TRPC4: variants seen among roughly 807,000 people sequenced by gnomAD.
TRPC4 encodes short transient receptor potential channel 4.
TRPC4 carries 49 observed loss-of-function variants against 99.4 expected under a neutral mutation model. The observed-to-expected ratio is 0.49, with a 90% CI of 0.39 to 0.63. TRPC4 has a LOEUF of 0.63. Ranked by LOEUF, TRPC4 falls within the 20% of genes least tolerant of loss-of-function variation. The probability of loss-of-function intolerance (pLI) is 0.00; values close to 1 mark genes in which losing one functional copy is unlikely to be tolerated. For missense variants in TRPC4, 898 were observed against 1,152.9 expected (o/e 0.78, Z 3.20); for synonymous variants, 454 against 425.9 (o/e 1.07, Z -0.81).
rs769881153 is a variant in TRPC4, at chr13:37,783,006, C to T, written c.328G>A (p.Gly110Arg). Reference protein sequence around the residue: ...LLHAIRKEVVGAVELLLNHKK... With the variant: ...LLHAIRKEVVRAVELLLNHKK... ...TGGTTCAATAACAGCTCAACAGCTC[C>T]GACGACTTCTTTTCTGATAGCATGT... is the stretch of plus-strand genomic sequence containing the variant. Residue 110 changes from glycine (G) to arginine (R), a missense_variant, in exon 2 of 11, where the codon GGA (glycine) becomes AGA (arginine). Around this residue, in one of 3 missense-constraint regions of TRPC4, gnomAD observed 278 missense variants for 346.6 expected, o/e 0.80. Coordinates refer to ENST00000379705, the MANE Select transcript of TRPC4 (RefSeq NM_016179.4). 6.9e-6 allele frequency: 11 copies of T among 1,605,370 alleles called. No individual in the cohort carries two copies. Among genetic ancestry groups the T allele is most frequent in the East Asian group, 2.2e-5 (1 of 44,764 alleles).
intron 3 of TRPC4, among the ~76,000 whole-genome samples, chr13:37,744,586 A>C (rs1329125289): frequency 6.6e-6 from 1 of 152,170 alleles, no homozygotes; most frequent in African/African-American, 2.4e-5. Context: ...TTGAGAAAGC[A>C]AGTTCAGGTA....
intron 1 of TRPC4, among the ~76,000 whole-genome samples, chr13:37,850,900 A>G (rs1959036554): frequency 6.6e-6 from 1 of 152,226 alleles, no homozygotes; most frequent in African/African-American, 2.4e-5. Context: ...CGTAATTCCC[A>G]CGTCCTGGTG....
chr13:37,676,377 T>A (rs1455453593), intron 4 of TRPC4, among the ~76,000 whole-genome samples: 10 of 11,204 alleles, frequency 8.9e-4, no homozygotes, highest in African/African-American at 2.9e-3. Flanking sequence ...TGGAGTAACA[T>A]CTTTTTTTTT....
At chr13:37,728,991 A>G (rs918621267) in intron 3 of TRPC4, among the ~76,000 whole-genome samples, 1 of 152,148 alleles carries the variant, frequency 6.6e-6, no homozygotes, top group African/African-American at 2.4e-5. Context: ...ATAAGAATGA[A>G]GTTGGACCCT....
intron 1 of TRPC4, among the ~76,000 whole-genome samples, chr13:37,788,258 C>A (rs1400884840): frequency 6.6e-6 from 1 of 152,042 alleles, no homozygotes; most frequent in African/African-American, 2.4e-5. Context: ...TTTCTGCAAA[C>A]CTTCTTCCCT....
rs150133774 is a variant in TRPC4, at chr13:37,806,997, C to A, written c.-27-23637G>T. Among the ~76,000 whole-genome samples the A allele has an allele frequency of 3.8e-3, 573 of 152,142 alleles. 4 individuals are homozygous for A. The highest frequency in any genetic ancestry group is 0.013 in the African/African-American group (552 of 41,520). On this transcript the variant is annotated intron_variant, in intron 1 of 10. Transcript: ENST00000379705. Reference sequence around the variant, plus strand: ...GAGAACTGTCTAATGAAAACTCCAACTATTATACTGTCCATGAAGAAATCT... The same window carrying A: ...GAGAACTGTCTAATGAAAACTCCAAATATTATACTGTCCATGAAGAAATCT...
intron 6 of TRPC4, among the ~76,000 whole-genome samples, chr13:37,661,622 T>C (rs1952439694): frequency 6.6e-6 from 1 of 152,070 alleles, no homozygotes; most frequent in Non-Finnish European, 1.5e-5. Flanking sequence ...AAGAAGAAAG[T>C]TGTGAAAGAG....
chr13:37,664,015 A>T (rs1952546619), intron 5 of TRPC4, among the ~76,000 whole-genome samples: 1 of 152,208 alleles, frequency 6.6e-6, no homozygotes, highest in Non-Finnish European at 1.5e-5. Context: ...ATACAACCTA[A>T]CTTACAAATC....
In TRPC4 at chr13:37,637,390, T is replaced by C; in HGVS notation, c.2447A>G (p.Asn816Ser). Residue 816 changes from asparagine (N) to serine (S), a missense_variant, in exon 11 of 11, where the codon AAC becomes AGC. Asn to Ser is a conservative substitution (Grantham distance 46). Around this residue, in one of 3 missense-constraint regions of TRPC4, gnomAD observed 346 missense variants for 351.4 expected, o/e 0.98. Transcript: ENST00000379705. ...RSAAIASERH[N>S]ISNGSALVVQ... ...CACCAGGGCAGAGCCATTGCTTATG[T>C]TATGTCTTTCAGAGGCAATTGCTGC... is the stretch of plus-strand genomic sequence containing the variant. 1 of 1,613,752 alleles carries C rather than the reference T, an allele frequency of 6.2e-7. No homozygotes were observed. Among genetic ancestry groups the C allele is most frequent in the Non-Finnish European group, 8.5e-7 (1 of 1,179,868 alleles).
chr13:37,755,874 GT>G (rs1956083767), intron 2 of TRPC4, among the ~76,000 whole-genome samples: 1 of 152,018 alleles, frequency 6.6e-6, no homozygotes, highest in African/African-American at 2.4e-5. Flanking sequence ...AAAGGTGTTT[GT>G]TTTTTCAAGG....
intron 1 of TRPC4, 92 bp from the exon 2 acceptor site, chr13:37,783,452 TAAC>T (rs1956895487): frequency 6.1e-6 from 6 of 978,902 alleles, no homozygotes; most frequent in South Asian, 2.8e-5. Flanking sequence ...GTGATATCAA[TAAC>T]AACAATACCA....
chr13:37,699,994 A>C (rs1257155200), intron 3 of TRPC4, among the ~76,000 whole-genome samples: 8 of 152,168 alleles, frequency 5.3e-5, no homozygotes, highest in Admixed American at 5.2e-4. Flanking sequence ...TAGCAAACAA[A>C]ACAGCAAGCA....
At chr13:37,812,358 AC>A (rs1957727442) in intron 1 of TRPC4, among the ~76,000 whole-genome samples, 1 of 151,842 alleles carries the variant, frequency 6.6e-6, no homozygotes, top group Non-Finnish European at 1.5e-5. Flanking sequence ...AAAAATACAA[AC>A]CATTATGAGG....
chr13:37,698,868 T>G (rs1347649515), intron 3 of TRPC4, among the ~76,000 whole-genome samples: 1 of 152,152 alleles, frequency 6.6e-6, no homozygotes, highest in Non-Finnish European at 1.5e-5. Context: ...CATGAGTAGG[T>G]GATAAAGATC....
chr13:37,755,405 C>A (rs201555313), intron 2 of TRPC4, among the ~76,000 whole-genome samples: 4 of 149,664 alleles, frequency 2.7e-5, no homozygotes, highest in East Asian at 4.0e-4. Context: ...ACAGGCATAG[C>A]ACCACCATAC....
chr13:37,802,606 C>T (rs143581996), intron 1 of TRPC4, among the ~76,000 whole-genome samples: 161 of 152,134 alleles, frequency 1.1e-3, no homozygotes, highest in African/African-American at 3.6e-3. Context: ...GTGATATTAA[C>T]CTTGATCACT....
chr13:37,813,239 C>A (rs1255988439), intron 1 of TRPC4, among the ~76,000 whole-genome samples: 3 of 151,642 alleles, frequency 2.0e-5, no homozygotes, highest in Admixed American at 6.6e-5. Context: ...TACCAAAATT[C>A]ATGGGATGTA....
intron 6 of TRPC4, among the ~76,000 whole-genome samples, chr13:37,656,016 TAA>T (rs1296816027): frequency 1.3e-5 from 2 of 152,170 alleles, no homozygotes; most frequent in Non-Finnish European, 2.9e-5. Context: ...TGTAAGATGG[TAA>T]AGAGTCTCAG....
Position 37,632,992 on chromosome 13 carries a change from T to C in TRPC4, c.*3911A>G, listed in dbSNP as rs1951426562. On this transcript the variant is annotated 3_prime_UTR_variant, in exon 11 of 11. Transcript: ENST00000379705. ...TCCAAATATCTAGATGAGGAGGTTT[T>C]TGTTTAAGCCCCAACTTGACCACCA... 6.6e-6 allele frequency among the ~76,000 whole-genome samples: 1 copy of C among 152,176 alleles called. No individual in the cohort carries two copies.
Sources: allele counts gnomAD v4.1 joint callset (sites outside exome capture counted in the v4.1 genomes callset), GRCh38; gene constraint gnomAD v4.1.1; regional missense constraint gnomAD v4.1.1; transcripts MANE v1.5; gene names NCBI Gene and HGNC (gene_info 2026-07-23, HGNC 2026-07-21).